IMMP2L: variants seen among roughly 807,000 people sequenced by gnomAD.
IMMP2L encodes the protein inner mitochondrial membrane peptidase subunit 2.
IMMP2L carries 18 observed loss-of-function variants against 19.3 expected under a neutral mutation model. The observed-to-expected ratio is 0.93, with a 90% CI of 0.64 to 1.38. The LOEUF (loss-of-function observed/expected upper bound fraction) is 1.38. Among genes scored for constraint, IMMP2L ranks in the 40% most tolerant of loss-of-function variants. The probability of loss-of-function intolerance (pLI) is 0.00; values close to 1 mark genes in which losing one functional copy is unlikely to be tolerated. For missense variants in IMMP2L, 233 were observed against 218.2 expected (o/e 1.07, Z -0.43); for synonymous variants, 76 against 73.0 (o/e 1.04, Z -0.21).
At chr7:110,729,310 T>C (rs1273105704) in intron 5 of IMMP2L, among the ~76,000 whole-genome samples, 2 of 152,124 alleles carry the variant, frequency 1.3e-5, no homozygotes, top group African/African-American at 2.4e-5. Flanking sequence ...ATAATCCTGG[T>C]GGAAGGTGAA....
chr7:111,123,548 T>C lies in IMMP2L; in HGVS notation c.240-159983A>G. 1.2e-6 allele frequency: 2 copies of C among 1,613,902 alleles called. No homozygotes were observed. Among genetic ancestry groups the C allele is most frequent in the South Asian group, 1.1e-5 (1 of 91,064 alleles). ...GTACCCCATGTTGCTCTTCAAAAAG[T>C]TGTAAATCTCAAATTTTTGGATCTA... On this transcript the variant is annotated intron_variant, in intron 3 of 5. Transcript: ENST00000405709. The surrounding 1 kb of genome is among the most constrained non-coding windows in gnomAD (Gnocchi z 6.4).
At chr7:110,987,901 A>G (rs1311232879) in intron 3 of IMMP2L, among the ~76,000 whole-genome samples, 2 of 152,168 alleles carry the variant, frequency 1.3e-5, no homozygotes, top group Non-Finnish European at 2.9e-5. Flanking sequence ...ATAGTCTACT[A>G]AAATAAAAAT....
At chr7:110,872,079 A>G (rs1808593639) in intron 5 of IMMP2L, among the ~76,000 whole-genome samples, 1 of 152,106 alleles carries the variant, frequency 6.6e-6, no homozygotes, top group African/African-American at 2.4e-5. Flanking sequence ...AGTGCAAATC[A>G]CCCTTTGTCA....
At chr7:111,074,389 G>C (rs1313977369) in intron 3 of IMMP2L, among the ~76,000 whole-genome samples, 1 of 152,128 alleles carries the variant, frequency 6.6e-6, no homozygotes, top group Non-Finnish European at 1.5e-5. Flanking sequence ...AACTTTTAAA[G>C]CAAGATTTAT....
At chr7:111,000,802 C>T (rs192292883) in intron 3 of IMMP2L, among the ~76,000 whole-genome samples, 99 of 151,374 alleles carry the variant, frequency 6.5e-4, no homozygotes, top group African/African-American at 2.2e-3. Flanking sequence ...TGAGATAGTG[C>T]CACTGCACTC....
intron 5 of IMMP2L, among the ~76,000 whole-genome samples, chr7:110,880,102 C>T (rs1441708387): frequency 1.3e-5 from 2 of 151,990 alleles, no homozygotes; most frequent in Non-Finnish European, 2.9e-5. Context: ...ATTCTGATGG[C>T]TATAGTAAAA....
chr7:111,348,513 T>G (rs1412014488), intron 3 of IMMP2L, among the ~76,000 whole-genome samples: 2 of 152,084 alleles, frequency 1.3e-5, no homozygotes, highest in Admixed American at 1.3e-4. Context: ...TCTAATACAC[T>G]TCCTTCTCCA....
intron 2 of IMMP2L, among the ~76,000 whole-genome samples, chr7:111,500,969 C>A (rs370213985): frequency 6.6e-6 from 1 of 152,222 alleles, no homozygotes; most frequent in East Asian, 1.9e-4. Flanking sequence ...CAAAGCTGGA[C>A]GGAGAATGAC....
intron 3 of IMMP2L, among the ~76,000 whole-genome samples, chr7:111,224,937 A>G (rs1000165288): frequency 6.6e-6 from 1 of 152,080 alleles, no homozygotes; most frequent in African/African-American, 2.4e-5. Flanking sequence ...TATATCTCAA[A>G]TTAAATGTGT....
At chr7:110,890,936 A>G (rs1294493625) in intron 4 of IMMP2L, among the ~76,000 whole-genome samples, 2 of 152,184 alleles carry the variant, frequency 1.3e-5, no homozygotes, top group East Asian at 3.8e-4. Context: ...TTCCACAAGA[A>G]AGGAAGAATT....
chr7:111,076,066 A>G (rs1216275370), intron 3 of IMMP2L, among the ~76,000 whole-genome samples: 1 of 152,086 alleles, frequency 6.6e-6, no homozygotes, highest in Non-Finnish European at 1.5e-5. Context: ...ATTTCTCTCT[A>G]GGAAAAAAAA....
At chr7:111,150,950 T>C (rs1804003725) in intron 3 of IMMP2L, among the ~76,000 whole-genome samples, 1 of 152,188 alleles carries the variant, frequency 6.6e-6, no homozygotes, top group East Asian at 1.9e-4. Flanking sequence ...ACTGGTGGCT[T>C]TTATTCCATA....
chr7:110,852,152 T>G (rs1806286802), intron 5 of IMMP2L, among the ~76,000 whole-genome samples: 2 of 152,042 alleles, frequency 1.3e-5, no homozygotes, highest in Admixed American at 1.3e-4. Context: ...TTTATCTTTC[T>G]TCCAAGTGAA....
chr7:111,010,303 T>C (rs1824800103), intron 3 of IMMP2L, among the ~76,000 whole-genome samples: 1 of 152,168 alleles, frequency 6.6e-6, no homozygotes, highest in Non-Finnish European at 1.5e-5. Flanking sequence ...TTTAGAGAAG[T>C]CACAGAGTCT....
intron 3 of IMMP2L, among the ~76,000 whole-genome samples, chr7:110,987,529 A>C (rs1585606563): frequency 6.6e-6 from 1 of 152,292 alleles, no homozygotes; most frequent in East Asian, 1.9e-4. Flanking sequence ...AGGGAACACT[A>C]GTTTTAGGAA....
rs563192506 is a variant in IMMP2L, at chr7:111,159,745, T to A, written c.240-196180A>T. Among the ~76,000 whole-genome samples the A allele has an allele frequency of 5.3e-5, 8 of 152,188 alleles. No individual in the cohort carries two copies. In the South Asian group the frequency reaches 1.2e-3, roughly 24 times the overall value. ...GTGAGTCATATATGTAATATTAAGT[T>A]TTCTAACAGACACATTTAAAAAGGA... On this transcript the variant is annotated intron_variant, in intron 3 of 5. Transcript: ENST00000405709.
At chr7:111,400,734 C>T (rs1000880471) in intron 3 of IMMP2L, among the ~76,000 whole-genome samples, 2 of 152,044 alleles carry the variant, frequency 1.3e-5, no homozygotes, top group Admixed American at 6.6e-5. Context: ...AAAAGGAGCT[C>T]TCAATCTCTT....
At chr7:110,664,697 G>A (rs1291546885) in intron 5 of IMMP2L, 1 of 152,086 alleles carries the variant, frequency 6.6e-6, no homozygotes, top group Non-Finnish European at 1.5e-5. Flanking sequence ...TAAAAAAATT[G>A]TTGTTGTTAT....
At chr7:111,318,259 G>A (rs112816254) in intron 3 of IMMP2L, among the ~76,000 whole-genome samples, 7 of 152,226 alleles carry the variant, frequency 4.6e-5, no homozygotes, top group African/African-American at 1.2e-4. Flanking sequence ...AGCAGATGGC[G>A]TCCTTTCCCC....
Sources: gnomAD v4.1 joint callset for allele counts (sites outside exome capture counted in the v4.1 genomes callset) on GRCh38, gnomAD v4.1.1 for gene constraint, Gnocchi (gnomAD v3.1) non-coding constraint, MANE v1.5 for transcripts, NCBI Gene and HGNC (gene_info 2026-07-23, HGNC 2026-07-21) for gene names.